The following P2RX7 variants were observed in gnomAD, a reference collection of about 807,000 sequenced individuals.
P2RX7 encodes the protein purinergic receptor P2X 7, also known as P2X purinoceptor 7.
A neutral mutation model predicts 71.6 loss-of-function variants in P2RX7; 62 were observed. The observed-to-expected ratio is 0.87, with a 90% CI of 0.71 to 1.07. The LOEUF (loss-of-function observed/expected upper bound fraction) is 1.07, where lower values mean the gene tolerates loss of function less well. Among genes scored for constraint, P2RX7 ranks in the 50% least tolerant of loss-of-function variants. The probability of loss-of-function intolerance (pLI) is 0.00; values close to 1 mark genes in which losing one functional copy is unlikely to be tolerated. For synonymous variants in P2RX7, 299 were observed against 283.3 expected, an observed-to-expected ratio of 1.06 and a Z score of -0.56; for missense variants, 686 against 748.5, an observed-to-expected ratio of 0.92 and a Z score of 0.97.
rs760372359 is a variant in P2RX7 at position 121,184,310 on chromosome 12, T to C, written c.1296T>C (p.Pro432=). The change falls in exon 13 of 13, where the codon CCT becomes CCC. Residue 432 remains proline, a synonymous_variant. Coordinates refer to ENST00000328963, the MANE Select transcript of P2RX7 (RefSeq NM_002562.6). The part of the protein sequence containing the change: ...QDVKGQEVPR[P]AMDFTDLSRL... ...TTGGAAACTTGCTTTTTCAGAGACC[T>C]GCGATGGACTTCACAGATTTGTCCA... The C allele has an allele frequency of 2.1e-5, 33 of 1,594,504 alleles. No individual in the cohort carries two copies. Among genetic ancestry groups the C allele is most frequent in the Non-Finnish European group, 2.4e-5 (28 of 1,168,470 alleles).
intron 7 of P2RX7, among the ~76,000 whole-genome samples, chr12:121,166,681 G>A (rs1232376889): frequency 6.6e-6 from 1 of 152,064 alleles, no homozygotes; most frequent in Non-Finnish European, 1.5e-5. Flanking sequence ...TACAAAGAGA[G>A]AGAGCATTTA....
At chr12:121,167,424 A>C in intron 7 of P2RX7, 64 bp from the exon 8 acceptor site, 1 of 1,586,928 alleles carries the variant, frequency 6.3e-7, no homozygotes, top group Non-Finnish European at 8.6e-7. Context: ...ATGCAGGGAG[A>C]TGTCTGGCGG....
chr12:121,166,567 G>A (rs965750291), intron 7 of P2RX7, among the ~76,000 whole-genome samples: 9 of 152,118 alleles, frequency 5.9e-5, no homozygotes, highest in Non-Finnish European at 1.2e-4. Flanking sequence ...TCCACCTTCT[G>A]GAGCTGCATT....
At chr12:121,141,152 A>G (rs1408985812) in intron 1 of P2RX7, among the ~76,000 whole-genome samples, 4 of 152,222 alleles carry the variant, frequency 2.6e-5, no homozygotes, top group African/African-American at 7.2e-5. Context: ...ACTACCATCT[A>G]TCCGCATCCT....
chr12:121,147,045 A>C (rs1326141200), intron 1 of P2RX7, among the ~76,000 whole-genome samples: 3 of 152,246 alleles, frequency 2.0e-5, no homozygotes, highest in Non-Finnish European at 4.4e-5. Flanking sequence ...CAAATAAACT[A>C]ATTCAGTCAA....
chr12:121,175,675 G>A (rs1882990163), intron 9 of P2RX7, among the ~76,000 whole-genome samples, 197 bp downstream of exon 9: 1 of 152,076 alleles, frequency 6.6e-6, no homozygotes, highest in Non-Finnish European at 1.5e-5. Flanking sequence ...TACAGGAGTG[G>A]GCCTGGAAAG....
chr12:121,183,502 C>T (rs1401073431), intron 12 of P2RX7, among the ~76,000 whole-genome samples: 1 of 150,136 alleles, frequency 6.7e-6, no homozygotes, highest in African/African-American at 2.5e-5. Flanking sequence ...ACCCAGGAGG[C>T]GGAGGTTGCA....
chr12:121,143,294 C>T (rs1875407134), intron 1 of P2RX7, among the ~76,000 whole-genome samples: 1 of 150,954 alleles, frequency 6.6e-6, no homozygotes, highest in East Asian at 2.0e-4. Flanking sequence ...CTTGGCAGGC[C>T]GAGGCAGGAG....
At chr12:121,180,498 T>C in intron 12 of P2RX7, 43 bp downstream of exon 12, 1 of 1,030,464 alleles carries the variant, frequency 9.7e-7, no homozygotes, top group Non-Finnish European at 1.5e-6. Context: ...TTAAGAAAAT[T>C]TACTGTTAAA....
At chr12:121,160,810 C>CTG in intron 3 of P2RX7, 92 bp from the exon 4 acceptor site, 1 of 1,062,462 alleles carries the variant, frequency 9.4e-7, no homozygotes, top group Non-Finnish European at 1.5e-6. Flanking sequence ...TATAAGCATT[C>CTG]GTGTGCACAT....
At chr12:121,172,593 T>G (rs984626977) in intron 8 of P2RX7, among the ~76,000 whole-genome samples, 3 of 152,194 alleles carry the variant, frequency 2.0e-5, no homozygotes, top group Non-Finnish European at 4.4e-5. Flanking sequence ...TTCAAGCCAC[T>G]GCACTCCAGC....
intron 8 of P2RX7, among the ~76,000 whole-genome samples, chr12:121,174,980 G>A (rs1433873401): frequency 1.3e-5 from 2 of 151,924 alleles, no homozygotes; most frequent in Non-Finnish European, 2.9e-5. Context: ...AGGAGGACTA[G>A]ACAGGCCACT....
At chr12:121,152,945 G>A (rs1344321739) in intron 1 of P2RX7, among the ~76,000 whole-genome samples, 1 of 152,168 alleles carries the variant, frequency 6.6e-6, no homozygotes, top group African/African-American at 2.4e-5. Context: ...AGCTCCTCCG[G>A]CACATGTACA....
intron 1 of P2RX7, among the ~76,000 whole-genome samples, chr12:121,145,220 C>A (rs1875875601): frequency 6.6e-6 from 1 of 152,092 alleles, no homozygotes; most frequent in South Asian, 2.1e-4. Context: ...GAGGAGTAGC[C>A]ACGGCGATCC....
chr12:121,171,864 T>TTCTTTC (rs201508993), intron 8 of P2RX7, among the ~76,000 whole-genome samples: 2 of 130,546 alleles, frequency 1.5e-5, no homozygotes, highest in Admixed American at 7.3e-5. Flanking sequence ...CTTTCTTTCT[T>TTCTTTC]TTTTTTTTTT....
intron 8 of P2RX7, among the ~76,000 whole-genome samples, chr12:121,169,396 C>T (rs1022688201): frequency 6.6e-6 from 1 of 152,202 alleles, no homozygotes; most frequent in African/African-American, 2.4e-5. Flanking sequence ...TCCTTTCATA[C>T]CGACCTATTA....
At chr12:121,164,215 C>T (rs1948787446) in intron 5 of P2RX7, among the ~76,000 whole-genome samples, 1 of 152,232 alleles carries the variant, frequency 6.6e-6, no homozygotes, top group African/African-American at 2.4e-5. Context: ...GGGCAAGCAA[C>T]TCCCTGAACT....
chr12:121,159,571 T>C (rs528519563), intron 3 of P2RX7, among the ~76,000 whole-genome samples: 1 of 152,294 alleles, frequency 6.6e-6, no homozygotes, highest in South Asian at 2.1e-4. Flanking sequence ...CCTGAATCAC[T>C]GTAGAAGCCA....
rs943530718 is a variant in P2RX7, at chr12:121,149,469, G to T, written c.126-5316G>T. On this transcript the variant is annotated intron_variant, in intron 1 of 12. Transcript: ENST00000328963. The surrounding 1 kb of genome is among the most constrained non-coding windows in gnomAD (Gnocchi z 4.7). The stretch of plus-strand genomic sequence containing the variant: ...GGGCGAAAGGCATGTCTTACATGGT[G>T]GCAGGCAAAAAGTGAATGACAACCA... Among the ~76,000 whole-genome samples the T allele has an allele frequency of 3.9e-5, 6 of 152,094 alleles. No homozygotes were observed. The highest frequency in any genetic ancestry group is 1.4e-4 in the African/African-American group (6 of 41,424).
Sources: gnomAD v4.1 joint callset for allele counts (sites outside exome capture counted in the v4.1 genomes callset) on GRCh38, gnomAD v4.1.1 for gene constraint, Gnocchi (gnomAD v3.1) non-coding constraint, MANE v1.5 for transcripts, NCBI Gene and HGNC (gene_info 2026-07-23, HGNC 2026-07-21) for gene names.